The following LAMA3 variants were observed in gnomAD, a reference collection of about 807,000 sequenced individuals.
LAMA3 encodes the protein laminin subunit alpha-3.
Under a neutral mutation model 402.0 loss-of-function variants are expected in LAMA3, and 281 were observed. The ratio of observed to expected loss-of-function variants is 0.70; its 90% CI spans 0.63 to 0.77. The LOEUF is 0.77. Ranked by LOEUF, LAMA3 falls within the 30% of genes least tolerant of loss-of-function variation. LAMA3 has a pLI of 0.00. For synonymous variants in LAMA3, 1,431 were observed against 1,558.4 expected (o/e 0.92, Z 1.93); for missense variants, 3,840 against 4,215.5 (o/e 0.91, Z 2.47).
intron 2 of LAMA3, among the ~76,000 whole-genome samples, chr18:23,728,536 C>G (rs1047413450): frequency 6.6e-6 from 1 of 152,170 alleles, no homozygotes; most frequent in African/African-American, 2.4e-5. Flanking sequence ...CTCTGAGATG[C>G]TTCCCCATTA....
Position 23,814,417 on chromosome 18 carries a change from C to A in LAMA3, c.1803C>A (p.Cys601Ter). The part of the protein sequence containing the change: ...TINSNLGYCQ[C>*]KLHVEGPTCS... ...TTCATTCAAAGGGGTATTGCCAATG[C>A]AAGCTTCATGTTGAAGGTCCTACTT... Residue 601 changes from cysteine to a stop codon, truncating the protein, a stop_gained, in exon 15 of 75, where the codon TGC becomes TGA. Transcript: ENST00000313654. LOFTEE classifies it high-confidence loss of function. The A allele has an allele frequency of 6.2e-7, 1 of 1,612,400 alleles. No homozygotes were observed. Among genetic ancestry groups the A allele is most frequent in the Non-Finnish European group, 8.5e-7 (1 of 1,178,442 alleles).
rs762697662 is a variant in LAMA3 at position 23,845,118 on chromosome 18, A to G, written c.3713A>G (p.Tyr1238Cys). The G allele has an allele frequency of 6.4e-7, 1 of 1,565,928 alleles. No homozygotes were observed. The highest frequency in any genetic ancestry group is 8.8e-7 in the Non-Finnish European group (1 of 1,136,104). Residue 1238 changes from tyrosine to cysteine, a missense_variant, in exon 30 of 75, where the codon TAC (tyrosine) becomes TGC (cysteine). By Grantham distance (194) the Tyr-to-Cys change is radical. Around this residue, in one of 3 missense-constraint regions of LAMA3, gnomAD observed 2,109 missense variants for 2,376.0 expected, o/e 0.89. Transcript: ENST00000313654. ...FITNCGKNSF[Y>C]LDPQTASRFC... ...ACCAATTGTGGAAAAAACAGCTTTT[A>G]CCTTGAGTGAGTATCACTTTGTGGG... is the stretch of plus-strand genomic sequence containing the variant.
At chr18:23,736,202 A>G (rs2061471396) in intron 2 of LAMA3, among the ~76,000 whole-genome samples, 1 of 151,472 alleles carries the variant, frequency 6.6e-6, no homozygotes, top group African/African-American at 2.4e-5. Context: ...ACTCTAAACC[A>G]TTACAATACA....
At chr18:23,776,200 T>C (rs1051813138) in intron 10 of LAMA3, among the ~76,000 whole-genome samples, 6 of 152,180 alleles carry the variant, frequency 3.9e-5, no homozygotes, top group African/African-American at 1.4e-4. Flanking sequence ...AACTTAATAA[T>C]CCATGTGTGT....
chr18:23,940,600 G>A (rs2082468257), intron 68 of LAMA3, among the ~76,000 whole-genome samples: 1 of 152,214 alleles, frequency 6.6e-6, no homozygotes, highest in South Asian at 2.1e-4. Flanking sequence ...GCAGGGAGGA[G>A]AGGTCATAGC....
At chr18:23,710,258 A>G (rs1335868603) in intron 1 of LAMA3, 2 of 572,318 alleles carry the variant, frequency 3.5e-6, no homozygotes, top group Non-Finnish European at 6.3e-6. Flanking sequence ...TAGGAGGGAC[A>G]GGAGCTTCCT....
chr18:23,710,108 G>C lies in LAMA3; in HGVS notation c.295-3812G>C, dbSNP rs893195500. The C allele has an allele frequency of 3.8e-5, 27 of 717,502 alleles. 1 individual carries two copies. Among genetic ancestry groups the C allele is most frequent in the Middle Eastern group, 3.8e-4 (1 of 2,624 alleles). 44.4% of individuals were successfully genotyped at this position (717,502 alleles called of 1,614,324 possible). On this transcript the variant is annotated intron_variant, in intron 1 of 74. Transcript: ENST00000313654. ...TGTTCTCCTGGGGGCGCTCTGCCGA[G>C]GATATTTGGGCTGCCTCTGGAGTCG...
intron 2 of LAMA3, among the ~76,000 whole-genome samples, chr18:23,742,640 A>T (rs1314562061): frequency 1.5e-5 from 2 of 137,128 alleles, no homozygotes; most frequent in African/African-American, 5.8e-5. Flanking sequence ...TTCCTTTCAA[A>T]GAATCAAAAA....
Position 23,840,377 on chromosome 18 carries a change from C to CTTTTTTTTTTTTTTTTTTTTTTTT in LAMA3, c.3336+451_3336+452insTTTTTTTTTTTTTTTTTTTTTTTT, listed in dbSNP as rs201657216. Among the ~76,000 whole-genome samples the CTTTTTTTTTTTTTTTTTTTTTTTT allele has an allele frequency of 7.5e-5, 6 of 79,514 alleles. 3 individuals carry two copies. Among genetic ancestry groups the CTTTTTTTTTTTTTTTTTTTTTTTT allele is most frequent in the Non-Finnish European group, 1.4e-4 (6 of 43,148 alleles). The allele number at this position is 79,514 out of a possible 152,430, so 52.2% of individuals were successfully genotyped here. ...ATAGTTATTGTAGCCAAGAACCTTT[C>CTTTTTTTTTTTTTTTTTTTTTTTT]TTTCTTTTTTTTTTTTTTTTTTTGA... On this transcript the variant is annotated intron_variant, in intron 27 of 74. Transcript: ENST00000313654.
At chr18:23,858,658 T>C in intron 33 of LAMA3, 31 bp from the exon 34 acceptor site, 1 of 1,613,762 alleles carries the variant, frequency 6.2e-7, no homozygotes, top group Non-Finnish European at 8.5e-7. Flanking sequence ...TTGGAACACG[T>C]GATCTCTTAT....
chr18:23,851,385 A>G (rs923079252), intron 32 of LAMA3, among the ~76,000 whole-genome samples: 3 of 152,128 alleles, frequency 2.0e-5, no homozygotes, highest in Non-Finnish European at 4.4e-5. Context: ...CTCCAGACCA[A>G]GAAGATGTGT....
intron 40 of LAMA3, among the ~76,000 whole-genome samples, chr18:23,883,367 C>G (rs2144935640): frequency 6.6e-6 from 1 of 152,322 alleles, no homozygotes; most frequent in South Asian, 2.1e-4. Flanking sequence ...CATATCCTTA[C>G]TCATCACAAA....
intron 1 of LAMA3, 120 bp from the exon 2 acceptor site, chr18:23,713,800 A>T: frequency 1.2e-6 from 1 of 832,166 alleles, no homozygotes; most frequent in Admixed American, 2.4e-5. Context: ...TGACTTCTCT[A>T]AGCTGTATAA....
chr18:23,895,416 T>C (rs1192012048), intron 44 of LAMA3, among the ~76,000 whole-genome samples: 2 of 152,238 alleles, frequency 1.3e-5, no homozygotes, highest in Non-Finnish European at 2.9e-5. Context: ...AGCCTGGAAT[T>C]TTCTTTGTTG....
chr18:23,835,071 A>C (rs765369428), intron 24 of LAMA3, among the ~76,000 whole-genome samples: 7 of 152,216 alleles, frequency 4.6e-5, no homozygotes, highest in Non-Finnish European at 8.8e-5. Context: ...TGAAGATATG[A>C]GCGGTATCTG....
Position 23,904,432 on chromosome 18 carries a change from T to C in LAMA3, c.6474-121T>C, listed in dbSNP as rs1786301. On this transcript the variant is annotated intron_variant, in intron 50 of 74. Coordinates refer to ENST00000313654, the MANE Select transcript of LAMA3 (RefSeq NM_198129.4). ...ATCTCTTTATTTTATTTTGTTTTTT[T>C]CCATTTCTTAAAAAAAAAAAAGAAA... 3 of 1,196,460 alleles carry C rather than the reference T, an allele frequency of 2.5e-6. No individual in the cohort carries two copies. In the Admixed American group the frequency reaches 7.3e-5, roughly 29 times the overall value. 74.1% of individuals were successfully genotyped at this position (1,196,460 alleles called of 1,614,324 possible). A position where few individuals can be genotyped will look rare whatever the true frequency, so the allele number is the denominator to read the frequency against.
Position 23,815,171 on chromosome 18 carries a change from C to T in LAMA3, c.1889-17C>T. 1 of 1,612,664 alleles carries T rather than the reference C, an allele frequency of 6.2e-7. No individual in the cohort carries two copies. The highest frequency in any genetic ancestry group is 1.3e-5 in the African/African-American group (1 of 75,040). Reference sequence around the variant, plus strand: ...TTGTGTCTCCCTTAGTTCAAGGATGCTCTCTTATCTCCACAGAATGCAAGT... The same window carrying T: ...TTGTGTCTCCCTTAGTTCAAGGATGTTCTCTTATCTCCACAGAATGCAAGT... On this transcript the variant is annotated splice_polypyrimidine_tract_variant and intron_variant, in intron 15 of 74. Transcript: ENST00000313654.
intron 63 of LAMA3, 73 bp from the exon 64 acceptor site, chr18:23,928,552 A>G: frequency 7.2e-7 from 1 of 1,397,878 alleles, no homozygotes; most frequent in East Asian, 2.3e-5. Flanking sequence ...GTAAAGTGAG[A>G]TAGGGTAAGG....
intron 13 of LAMA3, 68 bp downstream of exon 13, chr18:23,810,571 G>A (rs572489726): frequency 4.5e-4 from 715 of 1,582,380 alleles, no homozygotes; most frequent in Non-Finnish European, 5.6e-4. Flanking sequence ...GCCTCCCAGA[G>A]AAGCCTGCAA....
Sources: allele counts gnomAD v4.1 joint callset (sites outside exome capture counted in the v4.1 genomes callset), GRCh38; gene constraint gnomAD v4.1.1; regional missense constraint gnomAD v4.1.1; transcripts MANE v1.5; gene names NCBI Gene and HGNC (gene_info 2026-07-23, HGNC 2026-07-21).